DNM1L: variants seen among roughly 807,000 people sequenced by gnomAD.
DNM1L encodes the protein dynamin-1-like protein.
In DNM1L, 33 loss-of-function variants were observed where a neutral mutation model predicts 92.8. That is an observed-to-expected ratio of 0.36 (90% CI 0.27 to 0.48). The LOEUF (loss-of-function observed/expected upper bound fraction) is 0.48. Among genes scored for constraint, DNM1L ranks in the 20% least tolerant of loss-of-function variants. The pLI, the probability that DNM1L is intolerant of heterozygous loss-of-function variation, is 0.99. For synonymous variants in DNM1L, 284 were observed against 305.0 expected, an observed-to-expected ratio of 0.93 and a Z score of 0.72; for missense variants, 485 against 888.8, an observed-to-expected ratio of 0.55 and a Z score of 5.78.
At chr12:32,741,160 C>T (rs570517818) in intron 18 of DNM1L, among the ~76,000 whole-genome samples, 2 of 152,124 alleles carry the variant, frequency 1.3e-5, no homozygotes, top group Non-Finnish European at 2.9e-5. Flanking sequence ...GTCTGTAGAA[C>T]CATTTATCTT....
chr12:32,685,152 T>G (rs955424389), intron 1 of DNM1L, among the ~76,000 whole-genome samples: 1 of 151,900 alleles, frequency 6.6e-6, no homozygotes, highest in Non-Finnish European at 1.5e-5. Flanking sequence ...TTAGCCAGGA[T>G]GGTCTCGATC....
chr12:32,717,347 AT>A (rs1318540737), intron 6 of DNM1L, among the ~76,000 whole-genome samples: 6 of 65,896 alleles, frequency 9.1e-5, no homozygotes, highest in Middle Eastern at 6.8e-3. Flanking sequence ...TATACTATAT[AT>A]TATATATAGT....
intron 1 of DNM1L, among the ~76,000 whole-genome samples, chr12:32,690,081 C>G (rs938759276): frequency 6.6e-6 from 1 of 152,136 alleles, no homozygotes. Flanking sequence ...TGTAGCTACT[C>G]GACTTTCTGG....
At chr12:32,680,304 T>G (rs922000062) in intron 1 of DNM1L, among the ~76,000 whole-genome samples, 19 of 152,216 alleles carry the variant, frequency 1.2e-4, no homozygotes, top group African/African-American at 4.8e-5. Context: ...GCTACTTCGA[T>G]TAGAGTTCAG....
At chr12:32,711,778 C>T (rs992493895) in intron 5 of DNM1L, among the ~76,000 whole-genome samples, 12 of 151,962 alleles carry the variant, frequency 7.9e-5, no homozygotes, top group Non-Finnish European at 2.9e-5. Flanking sequence ...ACATGTAGTC[C>T]CAGCTGAGGC....
At chr12:32,686,417 G>A (rs987228483) in intron 1 of DNM1L, among the ~76,000 whole-genome samples, 1 of 148,730 alleles carries the variant, frequency 6.7e-6, no homozygotes. Context: ...CTCTGTCTAG[G>A]TCCAAAACAA....
intron 1 of DNM1L, among the ~76,000 whole-genome samples, chr12:32,687,812 G>A (rs1333330815): frequency 6.6e-6 from 1 of 152,010 alleles, no homozygotes. Flanking sequence ...TTTGATTACT[G>A]TAGCTTTGGA....
chr12:32,683,930 C>T (rs1042359811), intron 1 of DNM1L, among the ~76,000 whole-genome samples: 1 of 152,178 alleles, frequency 6.6e-6, no homozygotes, highest in African/African-American at 2.4e-5. Flanking sequence ...CTGCCTGCCT[C>T]AGCCTCCTGC....
At chr12:32,738,497 GTT>G (rs1206274010) in intron 16 of DNM1L, among the ~76,000 whole-genome samples, 1 of 152,140 alleles carries the variant, frequency 6.6e-6, no homozygotes, top group African/African-American at 2.4e-5. Flanking sequence ...CTTTCTCACT[GTT>G]TTGTTACCTT....
At chr12:32,688,460 A>G (rs888478560) in intron 1 of DNM1L, among the ~76,000 whole-genome samples, 3 of 152,190 alleles carry the variant, frequency 2.0e-5, no homozygotes, top group Admixed American at 6.5e-5. Context: ...GTAAAGGAAT[A>G]AAAGAATGGC....
Position 32,737,126 on chromosome 12 carries a change from GCCAGAGAA to G in DNM1L, c.1562_1569del (p.Ala521ValfsTer12). 6.2e-7 allele frequency: 1 copy of G among 1,613,706 alleles called. No individual in the cohort carries two copies. Among genetic ancestry groups the G allele is most frequent in the Middle Eastern group, 1.7e-4 (1 of 6,058 alleles). On this transcript the variant is annotated frameshift_variant, in exon 14 of 20. Coordinates refer to ENST00000549701, the MANE Select transcript of DNM1L (RefSeq NM_012062.5). LOFTEE classifies it high-confidence loss of function. The stretch of plus-strand genomic sequence containing the variant: ...TTAGGAACAAAGGAGAAACAGGCTA[GCCAGAGAA>G]TTACCTTCAGCTGTATCACGAGACA...
chr12:32,687,850 T>A (rs1166372469), intron 1 of DNM1L, among the ~76,000 whole-genome samples: 1 of 152,208 alleles, frequency 6.6e-6, no homozygotes, highest in Non-Finnish European at 1.5e-5. Flanking sequence ...GAAGTGTAAC[T>A]TTACCAGCAT....
At chr12:32,721,470 A>C (rs1953798394) in intron 8 of DNM1L, among the ~76,000 whole-genome samples, 1 of 152,194 alleles carries the variant, frequency 6.6e-6, no homozygotes, top group Non-Finnish European at 1.5e-5. Context: ...CTCTGTGGTA[A>C]TTGCAGTAAT....
intron 12 of DNM1L, among the ~76,000 whole-genome samples, chr12:32,732,369 A>G (rs755043438): frequency 3.9e-5 from 6 of 152,194 alleles, no homozygotes; most frequent in Non-Finnish European, 8.8e-5. Flanking sequence ...TTATGACCTA[A>G]TAACTATAAT....
At chr12:32,714,331 G>T (rs1189389183) in intron 6 of DNM1L, among the ~76,000 whole-genome samples, 18 of 145,480 alleles carry the variant, frequency 1.2e-4, no homozygotes, top group Non-Finnish European at 2.7e-4. Flanking sequence ...GGAGTGCAGT[G>T]GCGCGATCTC....
In DNM1L at chr12:32,727,937, T is replaced by C. The variant is rs149061440; in HGVS notation, c.1080-3077T>C. On this transcript the variant is annotated intron_variant, in intron 9 of 19. Transcript: ENST00000549701. ...AAGGATATAACATCCTTAGAATCTT[T>C]CATTACATATTGCATATTGTTAGCA... Among the ~76,000 whole-genome samples, 364 of 152,356 alleles carry C rather than the reference T, an allele frequency of 2.4e-3. 3 individuals are homozygous for C. The highest frequency in any genetic ancestry group is 4.1e-3 in the Non-Finnish European group (280 of 68,034).
At chr12:32,711,142 C>A (rs1953109353) in intron 5 of DNM1L, 127 bp downstream of exon 5, 1 of 814,526 alleles carries the variant, frequency 1.2e-6, no homozygotes, top group Non-Finnish European at 2.1e-6. Flanking sequence ...GTTGAGCCCT[C>A]CTTTCTCCTT....
chr12:32,700,707 C>T lies in DNM1L; in HGVS notation c.103-708C>T, dbSNP rs1952666857. ...GCTGCAATAAGCTGTGATCACACCA[C>T]TGCACTCTAGCCTGGGTAATAGAGT... On this transcript the variant is annotated intron_variant, in intron 1 of 19. Transcript: ENST00000549701. Among the ~76,000 whole-genome samples the T allele has an allele frequency of 2.0e-5, 3 of 152,144 alleles. No individual in the cohort carries two copies. The South Asian group carries it at 6.2e-4, about 32-fold the overall frequency.
chr12:32,735,697 G>A (rs116105992), intron 13 of DNM1L, among the ~76,000 whole-genome samples: 4 of 151,908 alleles, frequency 2.6e-5, no homozygotes, highest in Admixed American at 2.0e-4. Context: ...CCTGGCCAAC[G>A]TGGCAAAACT....
Sources: gnomAD v4.1 joint callset for allele counts (sites outside exome capture counted in the v4.1 genomes callset) on GRCh38, gnomAD v4.1.1 for gene constraint, MANE v1.5 for transcripts, NCBI Gene and HGNC (gene_info 2026-07-23, HGNC 2026-07-21) for gene names.